GIGYF2: variants seen among roughly 807,000 people sequenced by gnomAD.
GIGYF2 encodes GRB10 interacting GYF protein 2, also known as GRB10-interacting GYF protein 2.
A neutral mutation model predicts 208.1 loss-of-function variants in GIGYF2; 25 were observed. The observed-to-expected ratio is 0.12, with a 90% CI of 0.09 to 0.17. GIGYF2 has a LOEUF of 0.17. Among genes scored for constraint, GIGYF2 ranks in the 10% least tolerant of loss-of-function variants. GIGYF2 has a pLI of 1.00. For missense variants in GIGYF2, 1,302 were observed against 1,579.4 expected (o/e 0.82, Z 2.98); for synonymous variants, 534 against 543.8 (o/e 0.98, Z 0.25).
chr2:232,796,196 C>A lies in GIGYF2; in HGVS notation c.1614C>A (p.Tyr538Ter). The A allele has an allele frequency of 6.2e-7, 1 of 1,605,236 alleles. No individual in the cohort carries two copies. The highest frequency in any genetic ancestry group is 8.5e-7 in the Non-Finnish European group (1 of 1,171,924). Residue 538 changes from tyrosine to a stop codon, truncating the protein, a stop_gained, in exon 14 of 29, where the codon TAC becomes TAA. Coordinates refer to ENST00000373563, the MANE Select transcript of GIGYF2 (RefSeq NM_001103146.3). LOFTEE classifies it high-confidence loss of function. Reference sequence around the variant, plus strand: ...ATGAAGCAATGCAGAAGTGGTATTACAAAGATCCTCAGGGAGAAATTCAAG... The same window carrying A: ...ATGAAGCAATGCAGAAGTGGTATTAAAAAGATCCTCAGGGAGAAATTCAAG... ...LMHEAMQKWY[Y>*]KDPQGEIQGP...
chr2:232,832,900 A>T lies in GIGYF2; in HGVS notation c.2573A>T (p.Gln858Leu). Residue 858 changes from glutamine (Q) to leucine (L), a missense_variant, in exon 22 of 29, where the codon CAG (glutamine) becomes CTG (leucine). This residue lies in a region of GIGYF2 where 701 missense variants were observed against 793.0 expected (regional missense o/e 0.88). Coordinates refer to ENST00000373563, the MANE Select transcript of GIGYF2 (RefSeq NM_001103146.3). ...AKWAREEEEA[Q>L]RRLEENRLRM... Reference sequence around the variant, plus strand: ...TGGGCCCGGGAAGAAGAAGAAGCCCAGCGTCGATTAGAGGAGAACCGGCTG... The same window carrying T: ...TGGGCCCGGGAAGAAGAAGAAGCCCTGCGTCGATTAGAGGAGAACCGGCTG... The T allele has an allele frequency of 6.4e-7, 1 of 1,562,398 alleles. No individual in the cohort carries two copies. Among genetic ancestry groups the T allele is most frequent in the Non-Finnish European group, 8.7e-7 (1 of 1,153,174 alleles).
At chr2:232,776,667 C>T in intron 8 of GIGYF2, 1 of 569,780 alleles carries the variant, frequency 1.8e-6, no homozygotes, top group Non-Finnish European at 3.1e-6. Context: ...CCAATTAGCT[C>T]TGATCATGTG....
At chr2:232,843,750 C>T (rs920934674) in intron 23 of GIGYF2, among the ~76,000 whole-genome samples, 1 of 152,058 alleles carries the variant, frequency 6.6e-6, no homozygotes, top group African/African-American at 2.4e-5. Context: ...TGGCTTGAAC[C>T]TGGGAGGCGG....
chr2:232,770,981 T>C (rs1385052216), intron 8 of GIGYF2: 1 of 1,613,980 alleles, frequency 6.2e-7, no homozygotes, highest in East Asian at 2.2e-5. Context: ...CAGTCACCAC[T>C]GGGGAACATG....
chr2:232,715,059 T>C (rs1696618035), intron 2 of GIGYF2, among the ~76,000 whole-genome samples: 1 of 152,178 alleles, frequency 6.6e-6, no homozygotes, highest in African/African-American at 2.4e-5. Flanking sequence ...CCTGCATTGG[T>C]TTGCTAAGGA....
At chr2:232,829,536 G>GCTCT in intron 21 of GIGYF2, among the ~76,000 whole-genome samples, 1 of 152,322 alleles carries the variant, frequency 6.6e-6, no homozygotes, top group Non-Finnish European at 1.5e-5. Flanking sequence ...ACTCATGGTA[G>GCTCT]AGCAGCAGAA....
chr2:232,792,019 G>A (rs940674343), intron 12 of GIGYF2, among the ~76,000 whole-genome samples: 26 of 152,106 alleles, frequency 1.7e-4, no homozygotes, highest in Admixed American at 6.5e-4. Flanking sequence ...AATGCCTGAC[G>A]TTGAAGGGTT....
intron 8 of GIGYF2, chr2:232,767,903 T>C: frequency 2.6e-6 from 1 of 391,984 alleles, no homozygotes; most frequent in Non-Finnish European, 4.7e-6. Flanking sequence ...TTGCCTTCAT[T>C]ACTAGTATCA....
intron 8 of GIGYF2, among the ~76,000 whole-genome samples, chr2:232,772,097 T>C (rs890435531): frequency 6.6e-6 from 1 of 152,276 alleles, no homozygotes; most frequent in South Asian, 2.1e-4. Flanking sequence ...TTAATTTTTG[T>C]TGGTACTGGG....
intron 8 of GIGYF2, among the ~76,000 whole-genome samples, chr2:232,783,846 C>T (rs967435391): frequency 6.6e-6 from 1 of 152,054 alleles, no homozygotes; most frequent in Non-Finnish European, 1.5e-5. Flanking sequence ...CCACCATGCC[C>T]AGCTAATTTT....
chr2:232,846,340 T>TAA (rs771590355), intron 26 of GIGYF2, among the ~76,000 whole-genome samples: 1 of 152,196 alleles, frequency 6.6e-6, no homozygotes, highest in South Asian at 2.1e-4. Flanking sequence ...TTGTGTAAGA[T>TAA]AAAACTAGGA....
At chr2:232,820,071 T>G in intron 21 of GIGYF2, 86 bp downstream of exon 21, 1 of 1,502,548 alleles carries the variant, frequency 6.7e-7, no homozygotes, top group South Asian at 1.2e-5. Context: ...AGGTAGCCTA[T>G]CTAAAATTTT....
intron 25 of GIGYF2, among the ~76,000 whole-genome samples, chr2:232,844,934 TTAATA>T (rs1447486297): frequency 6.6e-6 from 1 of 152,246 alleles, no homozygotes; most frequent in African/African-American, 2.4e-5. Flanking sequence ...ATTTATGCTA[TTAATA>T]TGAGTATTAT....
chr2:232,783,521 A>G (rs952168063), intron 8 of GIGYF2, among the ~76,000 whole-genome samples: 4 of 152,208 alleles, frequency 2.6e-5, no homozygotes, highest in Non-Finnish European at 4.4e-5. Context: ...CTGAATTTAC[A>G]AGAATACTAG....
At chr2:232,747,917 G>C (rs1698208355) in intron 4 of GIGYF2, among the ~76,000 whole-genome samples, 173 bp downstream of exon 4, 1 of 151,722 alleles carries the variant, frequency 6.6e-6, no homozygotes, top group South Asian at 2.1e-4. Flanking sequence ...TCTTCTAAGT[G>C]TTATCACACA....
At chr2:232,825,498 G>A (rs1701218763) in intron 21 of GIGYF2, among the ~76,000 whole-genome samples, 1 of 152,200 alleles carries the variant, frequency 6.6e-6, no homozygotes, top group East Asian at 1.9e-4. Flanking sequence ...AGTAGAGCCT[G>A]AAGATGTGAC....
chr2:232,826,398 A>C (rs1392139468), intron 21 of GIGYF2, among the ~76,000 whole-genome samples: 1 of 152,186 alleles, frequency 6.6e-6, no homozygotes. Context: ...TTGCCATTCT[A>C]ATTGGCGTGA....
At chr2:232,800,958 A>G (rs1473950922) in intron 14 of GIGYF2, among the ~76,000 whole-genome samples, 1 of 151,646 alleles carries the variant, frequency 6.6e-6, no homozygotes, top group Admixed American at 6.6e-5. Context: ...GCTCACTGCA[A>G]CCTCTGCCTT....
chr2:232,703,047 A>C (rs1326410316), intron 1 of GIGYF2, among the ~76,000 whole-genome samples: 2 of 152,116 alleles, frequency 1.3e-5, no homozygotes, highest in African/African-American at 4.8e-5. Flanking sequence ...TGGCCTTCCA[A>C]AGTGTTAGGA....
Sources: allele counts gnomAD v4.1 joint callset (sites outside exome capture counted in the v4.1 genomes callset), GRCh38; gene constraint gnomAD v4.1.1; regional missense constraint gnomAD v4.1.1; transcripts MANE v1.5; gene names NCBI Gene and HGNC (gene_info 2026-07-23, HGNC 2026-07-21).